The following NRXN1 variants were observed in gnomAD, a reference collection of about 807,000 sequenced individuals.
NRXN1 encodes the protein neurexin-1.
In NRXN1, 39 loss-of-function variants were observed where a neutral mutation model predicts 150.9. That is an observed-to-expected ratio of 0.26 (90% CI 0.20 to 0.34). The LOEUF (loss-of-function observed/expected upper bound fraction) is 0.34, where lower values mean the gene tolerates loss of function less well. Ranked by LOEUF, NRXN1 falls within the 10% of genes least tolerant of loss-of-function variation. The pLI, the probability that NRXN1 is intolerant of heterozygous loss-of-function variation, is 1.00. For synonymous variants in NRXN1, 924 were observed against 757.0 expected (o/e 1.22, Z -3.62); for missense variants, 1,815 against 1,949.9 (o/e 0.93, Z 1.30).
chr2:50,393,762 C>T (rs78987893), intron 17 of NRXN1, among the ~76,000 whole-genome samples: 1 of 152,020 alleles, frequency 6.6e-6, no homozygotes, highest in African/African-American at 2.4e-5. Flanking sequence ...GAGAATCTGG[C>T]AAAATTACTG....
chr2:50,740,578 T>G (rs1159438025), intron 5 of NRXN1, among the ~76,000 whole-genome samples: 1 of 152,196 alleles, frequency 6.6e-6, no homozygotes, highest in African/African-American at 2.4e-5. Flanking sequence ...AAAGATCACA[T>G]TTCTGTATGT....
chr2:50,871,021 C>T (rs1443726045), intron 5 of NRXN1, among the ~76,000 whole-genome samples: 1 of 151,818 alleles, frequency 6.6e-6, no homozygotes, highest in Non-Finnish European at 1.5e-5. Context: ...AAGTGTTAAT[C>T]ACATTTTATT....
chr2:51,031,837 GATCT>G (rs1414864605), intron 1 of NRXN1, 140 bp downstream of exon 1: 3 of 152,060 alleles, frequency 2.0e-5, no homozygotes, highest in African/African-American at 7.3e-5. Context: ...AAACAACCAA[GATCT>G]ACACTCCTCC....
intron 5 of NRXN1, among the ~76,000 whole-genome samples, chr2:50,901,882 A>G (rs886891509): frequency 1.3e-5 from 2 of 152,218 alleles, no homozygotes; most frequent in African/African-American, 4.8e-5. Context: ...AAATGTTTTC[A>G]TTTATCATTG....
In NRXN1 at chr2:50,019,969, AAAAAGAGAG is replaced by A. The variant is rs1261819162; in HGVS notation, c.4128+33293_4128+33301del. On this transcript the variant is annotated intron_variant, in intron 21 of 22. Coordinates refer to ENST00000401669, the MANE Select transcript of NRXN1 (RefSeq NM_001330078.2). Reference sequence around the variant, plus strand: ...TCTCAAAAAAAAAAAAAAAAAAAAAAAAAAGAGAGAGAGAGAGACCTAGGGAGCTACGTC... The same window carrying A: ...TCTCAAAAAAAAAAAAAAAAAAAAAAAGAGAGAGACCTAGGGAGCTACGTC... Among the ~76,000 whole-genome samples, 32 of 122,664 alleles carry A rather than the reference AAAAAGAGAG, an allele frequency of 2.6e-4. 4 individuals carry two copies. In the East Asian group the frequency reaches 2.9e-3, roughly 11 times the overall value. 80.5% of individuals were successfully genotyped at this position (122,664 alleles called of 152,430 possible).
chr2:50,059,234 T>C (rs1158947750), intron 19 of NRXN1, among the ~76,000 whole-genome samples: 2 of 152,166 alleles, frequency 1.3e-5, no homozygotes, highest in South Asian at 2.1e-4. Context: ...TATTGCTATG[T>C]TTTAGCAAAG....
chr2:50,299,417 T>C (rs982833907), intron 17 of NRXN1, among the ~76,000 whole-genome samples: 34 of 138,214 alleles, frequency 2.5e-4, no homozygotes, highest in Non-Finnish European at 4.3e-4. Flanking sequence ...CCAATTTTTT[T>C]TTTTTTTTAA....
At chr2:50,978,299 TATATATAA>T (rs1333199553) in intron 2 of NRXN1, among the ~76,000 whole-genome samples, 9 of 119,230 alleles carry the variant, frequency 7.5e-5, no homozygotes, top group Non-Finnish European at 1.3e-4. Flanking sequence ...TATATATATA[TATATATAA>T]AATATATATA....
intron 5 of NRXN1, among the ~76,000 whole-genome samples, chr2:50,801,502 T>G (rs1175234201): frequency 6.6e-6 from 1 of 152,136 alleles, no homozygotes; most frequent in Non-Finnish European, 1.5e-5. Context: ...AAGGTCTAAA[T>G]GGCAGGACTA....
At chr2:50,044,483 T>C (rs1241343445) in intron 21 of NRXN1, among the ~76,000 whole-genome samples, 1 of 152,184 alleles carries the variant, frequency 6.6e-6, no homozygotes, top group Non-Finnish European at 1.5e-5. Flanking sequence ...GTGAGGGTAG[T>C]GTCTAGCACA....
chr2:50,132,062 T>C (rs984764364), intron 18 of NRXN1, among the ~76,000 whole-genome samples: 2 of 152,214 alleles, frequency 1.3e-5, no homozygotes, highest in South Asian at 2.1e-4. Flanking sequence ...AACTTCCAGG[T>C]GCCATGTGCT....
At chr2:50,821,238 C>T (rs1669673936) in intron 5 of NRXN1, among the ~76,000 whole-genome samples, 1 of 152,194 alleles carries the variant, frequency 6.6e-6, no homozygotes, top group Admixed American at 6.5e-5. Flanking sequence ...GTTTTGAATG[C>T]AGCCCAACAC....
At chr2:50,854,275 A>C (rs1293341245) in intron 5 of NRXN1, among the ~76,000 whole-genome samples, 1 of 152,110 alleles carries the variant, frequency 6.6e-6, no homozygotes, top group African/African-American at 2.4e-5. Context: ...TATTTCACTT[A>C]ACTGGCTAAA....
intron 13 of NRXN1, among the ~76,000 whole-genome samples, chr2:50,500,871 C>G (rs1053796197): frequency 2.0e-5 from 3 of 152,158 alleles, no homozygotes; most frequent in African/African-American, 7.2e-5. Context: ...TGTTAATTCA[C>G]TTAAAATTGC....
chr2:50,909,271 T>C (rs1684192651), intron 5 of NRXN1, among the ~76,000 whole-genome samples: 1 of 152,018 alleles, frequency 6.6e-6, no homozygotes, highest in South Asian at 2.1e-4. Context: ...ACATTATGAC[T>C]TTATGAGGTA....
At chr2:50,923,147 T>C (rs1476136628) in intron 3 of NRXN1, among the ~76,000 whole-genome samples, 1 of 151,818 alleles carries the variant, frequency 6.6e-6, no homozygotes, top group Non-Finnish European at 1.5e-5. Flanking sequence ...ATGAGCATTT[T>C]ATAATTAAAT....
rs754030957 is a variant in NRXN1 at position 50,725,258 on chromosome 2, T to C, written c.833-101643A>G. 9.2e-4 allele frequency among the ~76,000 whole-genome samples: 140 copies of C among 152,118 alleles called. 2 individuals are homozygous for C. Among genetic ancestry groups the C allele is most frequent in the Non-Finnish European group, 8.1e-4 (55 of 67,954 alleles). On this transcript the variant is annotated intron_variant, in intron 5 of 22. Coordinates refer to ENST00000401669, the MANE Select transcript of NRXN1 (RefSeq NM_001330078.2). ...TTGGTTGGTATTATCAAAAATAAAG[T>C]TCTGTAATTTTGTGTTTCCTGATAG...
chr2:50,232,890 A>G (rs1431716658), intron 18 of NRXN1, among the ~76,000 whole-genome samples: 1 of 152,036 alleles, frequency 6.6e-6, no homozygotes, highest in South Asian at 2.1e-4. Flanking sequence ...TAAACCACCA[A>G]TCACCATAAC....
intron 5 of NRXN1, among the ~76,000 whole-genome samples, chr2:50,676,820 T>C (rs1689617387): frequency 6.6e-6 from 1 of 152,196 alleles, no homozygotes. Context: ...AAATAAGCTA[T>C]TTTAAGTCTC....
Sources: gnomAD v4.1 joint callset for allele counts (sites outside exome capture counted in the v4.1 genomes callset) on GRCh38, gnomAD v4.1.1 for gene constraint, MANE v1.5 for transcripts, NCBI Gene and HGNC (gene_info 2026-07-23, HGNC 2026-07-21) for gene names.